The following MORF4L1 variants were observed in gnomAD, a reference collection of about 807,000 sequenced individuals.
MORF4L1 encodes mortality factor 4 like 1.
In MORF4L1, 4 loss-of-function variants were observed where a neutral mutation model predicts 52.9. That is an observed-to-expected ratio of 0.08 (90% CI 0.04 to 0.17). MORF4L1 has a LOEUF of 0.17. Among genes scored for constraint, MORF4L1 ranks in the 10% least tolerant of loss-of-function variants. The probability of loss-of-function intolerance (pLI) is 1.00; values close to 1 mark genes in which losing one functional copy is unlikely to be tolerated. For synonymous variants in MORF4L1, 123 were observed against 134.8 expected (o/e 0.91, Z 0.61); for missense variants, 214 against 390.4 (o/e 0.55, Z 3.81).
At chr15:78,879,133 G>C (rs2056551475) in intron 2 of MORF4L1, among the ~76,000 whole-genome samples, 1 of 152,088 alleles carries the variant, frequency 6.6e-6, no homozygotes, top group African/African-American at 2.4e-5. Context: ...CTACTCAGAA[G>C]GCTGAGGCTA....
intron 5 of MORF4L1, among the ~76,000 whole-genome samples, chr15:78,890,028 G>T (rs2056771828): frequency 6.6e-6 from 1 of 152,076 alleles, no homozygotes; most frequent in African/African-American, 2.4e-5. Context: ...TTTGAGACCA[G>T]CCTGGCCAAC....
intron 2 of MORF4L1, among the ~76,000 whole-genome samples, chr15:78,878,619 T>C (rs1283970277): frequency 6.6e-6 from 1 of 152,200 alleles, no homozygotes; most frequent in Non-Finnish European, 1.5e-5. Flanking sequence ...AGCATTGAGC[T>C]AATTATATTA....
In MORF4L1 at chr15:78,897,097, C is replaced by T. The variant is rs537698532; in HGVS notation, c.*30C>T. 3 of 1,541,424 alleles carry T rather than the reference C, an allele frequency of 1.9e-6. No individual in the cohort carries two copies. Among genetic ancestry groups the T allele is most frequent in the Admixed American group, 1.7e-5 (1 of 59,710 alleles). On this transcript the variant is annotated 3_prime_UTR_variant, in exon 12 of 12. Coordinates refer to ENST00000426013, the MANE Select transcript of MORF4L1 (RefSeq NM_006791.4). The stretch of plus-strand genomic sequence containing the variant: ...CACTCTCACTCACTTATGTTTGGAT[C>T]TCCGTAAACACATTTTTGTTCTTAG...
Position 78,873,026 on chromosome 15 carries a change from G to A in MORF4L1, c.9G>A (p.Pro3=). 1 of 1,552,672 alleles carries A rather than the reference G, an allele frequency of 6.4e-7. No individual in the cohort carries two copies. Among genetic ancestry groups the A allele is most frequent in the Non-Finnish European group, 8.7e-7 (1 of 1,147,378 alleles). The change falls in exon 1 of 12, where the codon CCG becomes CCA. Residue 3 remains proline (P), a synonymous_variant. Coordinates refer to ENST00000426013, the MANE Select transcript of MORF4L1 (RefSeq NM_006791.4). MA[P]KQDPKPKFQE... ...CGGCGAATCACTTATAAATGGCGCCGAAGCAGGACCCGAAGCCTAAATTCC... is the reference window on the plus strand; with the variant it reads ...CGGCGAATCACTTATAAATGGCGCCAAAGCAGGACCCGAAGCCTAAATTCC...
In MORF4L1 at chr15:78,894,105, A is replaced by G; in HGVS notation, c.677A>G (p.Asn226Ser). The G allele has an allele frequency of 1.9e-6, 3 of 1,613,836 alleles. No homozygotes were observed. Among genetic ancestry groups the G allele is most frequent in the South Asian group, 2.2e-5 (2 of 91,062 alleles). The change falls in exon 10 of 12, where the codon AAC becomes AGC. Residue 226 changes from asparagine to serine, a missense_variant. Asn to Ser is a conservative substitution (Grantham distance 46). Transcript: ENST00000426013. ...EVVAGIKEYF[N>S]VMLGTQLLYK... ...GTGGCAGGGATAAAAGAATACTTCA[A>G]CGTAATGTTGGGTACCCAGCTACTC...
At position 78,890,058 on chromosome 15, in the gene MORF4L1, T is replaced by C. The variant is rs2056772293; in HGVS notation, c.324-931T>C. Among the ~76,000 whole-genome samples the C allele has an allele frequency of 2.0e-5, 3 of 152,030 alleles. No homozygotes were observed. In the South Asian group the frequency reaches 6.2e-4, roughly 32 times the overall value. On this transcript the variant is annotated intron_variant, in intron 5 of 11. Coordinates refer to ENST00000426013, the MANE Select transcript of MORF4L1 (RefSeq NM_006791.4). The stretch of plus-strand genomic sequence containing the variant: ...GCCAACATGGTGAAATCCCGTCTCT[T>C]AAAATACAAAAATGAGCTGGGAGTG...
intron 2 of MORF4L1, among the ~76,000 whole-genome samples, chr15:78,879,434 C>T (rs2056558404): frequency 6.6e-6 from 1 of 151,988 alleles, no homozygotes; most frequent in African/African-American, 2.4e-5. Context: ...GTTGACCAGG[C>T]TGGTCTTGAA....
intron 3 of MORF4L1, chr15:78,885,088 A>T (rs375182729): frequency 3.0e-5 from 47 of 1,588,430 alleles, no homozygotes; most frequent in Middle Eastern, 3.3e-4. Context: ...CTCTAGGTAA[A>T]TGCATGTTTT....
intron 3 of MORF4L1, among the ~76,000 whole-genome samples, chr15:78,882,328 C>G (rs1161945840): frequency 6.6e-6 from 1 of 152,068 alleles, no homozygotes; most frequent in African/African-American, 2.4e-5. Context: ...TAAAAAGAAA[C>G]AACAACATGT....
intron 5 of MORF4L1, among the ~76,000 whole-genome samples, chr15:78,888,021 C>T (rs2141475875): frequency 6.6e-6 from 1 of 152,386 alleles, no homozygotes; most frequent in Admixed American, 6.5e-5. Flanking sequence ...GATCCACCTG[C>T]CTTGGCCTCC....
intron 5 of MORF4L1, among the ~76,000 whole-genome samples, chr15:78,889,715 G>C (rs1470124230): frequency 6.6e-6 from 1 of 152,042 alleles, no homozygotes; most frequent in Non-Finnish European, 1.5e-5. Context: ...CCTATACACA[G>C]ATTTTTGTGT....
At position 78,888,888 on chromosome 15, in the gene MORF4L1, T is replaced by C. The variant is rs1397912723; in HGVS notation, c.323+1539T>C. Among the ~76,000 whole-genome samples the C allele has an allele frequency of 3.3e-5, 5 of 152,366 alleles. No homozygotes were observed. In the East Asian group the frequency reaches 9.6e-4, roughly 29 times the overall value. On this transcript the variant is annotated intron_variant, in intron 5 of 11. Coordinates refer to ENST00000426013, the MANE Select transcript of MORF4L1 (RefSeq NM_006791.4). ...TAGTTTTAATAAGTGGTAACATGTTTTCATGATCTGGTTCTTTGGAAAACT... is the reference window on the plus strand; with the variant it reads ...TAGTTTTAATAAGTGGTAACATGTTCTCATGATCTGGTTCTTTGGAAAACT...
intron 4 of MORF4L1, among the ~76,000 whole-genome samples, chr15:78,886,809 G>T (rs528174925): frequency 3.3e-5 from 5 of 152,040 alleles, no homozygotes; most frequent in Admixed American, 6.5e-5. Flanking sequence ...CAAAAAATTA[G>T]CCGGGCATGG....
At chr15:78,877,892 T>A (rs984611776) in intron 1 of MORF4L1, 2 of 229,208 alleles carry the variant, frequency 8.7e-6, no homozygotes, top group African/African-American at 4.6e-5. Flanking sequence ...TTTTCAGATA[T>A]ATAGTTAAAA....
chr15:78,879,620 A>G (rs952463656), intron 2 of MORF4L1, among the ~76,000 whole-genome samples: 3 of 152,252 alleles, frequency 2.0e-5, no homozygotes, highest in Admixed American at 6.5e-5. Context: ...CATCTTAATG[A>G]TATAATGTTT....
At chr15:78,880,398 C>A in intron 2 of MORF4L1, 114 bp from the exon 3 acceptor site, 1 of 710,454 alleles carries the variant, frequency 1.4e-6, no homozygotes, top group Non-Finnish European at 2.4e-6. Flanking sequence ...TGTTCTTAGT[C>A]ATTCTGTTTA....
At chr15:78,881,158 A>G (rs1304959443) in intron 3 of MORF4L1, among the ~76,000 whole-genome samples, 1 of 137,960 alleles carries the variant, frequency 7.2e-6, no homozygotes, top group Non-Finnish European at 1.5e-5. Context: ...TCAATTATAG[A>G]GTCTTAATTT....
At chr15:78,885,999 A>T in intron 3 of MORF4L1, 142 bp from the exon 4 acceptor site, 1 of 643,980 alleles carries the variant, frequency 1.6e-6, no homozygotes, top group South Asian at 1.9e-5. Context: ...CTTCCATTAG[A>T]TCTTCATTTT....
intron 7 of MORF4L1, among the ~76,000 whole-genome samples, chr15:78,891,906 G>A (rs552324288): frequency 3.3e-5 from 5 of 152,248 alleles, no homozygotes; most frequent in Admixed American, 3.3e-4. Context: ...TGGTAAATAA[G>A]AAAATACTAA....
Sources: allele counts gnomAD v4.1 joint callset (sites outside exome capture counted in the v4.1 genomes callset), GRCh38; gene constraint gnomAD v4.1.1; transcripts MANE v1.5; gene names NCBI Gene and HGNC (gene_info 2026-07-23, HGNC 2026-07-21).